G3BP2: variants seen among roughly 807,000 people sequenced by gnomAD.
G3BP2 encodes the protein G3BP stress granule assembly factor 2, also known as ras GTPase-activating protein-binding protein 2.
Under a neutral mutation model 56.7 loss-of-function variants are expected in G3BP2, and 11 were observed. That is an observed-to-expected ratio of 0.19 (90% confidence interval 0.12 to 0.32). G3BP2 has a LOEUF of 0.32. Among genes scored for constraint, G3BP2 ranks in the 10% least tolerant of loss-of-function variants. The pLI is 1.00. For missense variants in G3BP2, 340 were observed against 610.9 expected (o/e 0.56, Z 4.67); for synonymous variants, 165 against 191.6 (o/e 0.86, Z 1.15).
intron 8 of G3BP2, among the ~76,000 whole-genome samples, chr4:75,650,309 C>T (rs897110539): frequency 1.3e-5 from 2 of 150,516 alleles, no homozygotes; most frequent in African/African-American, 4.9e-5. Flanking sequence ...TGGCACATGC[C>T]TGTAATCCCA....
intron 6 of G3BP2, among the ~76,000 whole-genome samples, 198 bp from the exon 7 acceptor site, chr4:75,655,444 AT>A (rs1353313631): frequency 1.3e-5 from 2 of 152,194 alleles, no homozygotes; most frequent in Admixed American, 1.3e-4. Flanking sequence ...TAATCCCACC[AT>A]TTCAAAACTG....
chr4:75,681,006 C>A (rs1469047034), intron 3 of G3BP2, among the ~76,000 whole-genome samples: 2 of 150,514 alleles, frequency 1.3e-5, no homozygotes, highest in African/African-American at 4.9e-5. Flanking sequence ...AAAGAAAAAC[C>A]GTGGCCTAAG....
At chr4:75,691,322 T>G (rs531360432) in intron 3 of G3BP2, among the ~76,000 whole-genome samples, 137 of 152,210 alleles carry the variant, frequency 9.0e-4, no homozygotes, top group Admixed American at 2.6e-3. Flanking sequence ...TCAGGTGATC[T>G]GCCCACCTCA....
At chr4:75,694,853 C>T (rs1719037467) in intron 3 of G3BP2, 5 of 985,404 alleles carry the variant, frequency 5.1e-6, no homozygotes, top group Non-Finnish European at 6.0e-6. Flanking sequence ...CTAAAGACTG[C>T]GACATCACAT....
At chr4:75,698,252 G>A (rs1719203298) in intron 3 of G3BP2, among the ~76,000 whole-genome samples, 1 of 152,180 alleles carries the variant, frequency 6.6e-6, no homozygotes, top group Non-Finnish European at 1.5e-5. Flanking sequence ...GGCTATGTGA[G>A]GAAGGAAGCA....
upstream of G3BP2, chr4:75,673,451 C>G: frequency 8.1e-7 from 1 of 1,232,220 alleles, no homozygotes; most frequent in Non-Finnish European, 1.0e-6. Flanking sequence ...ATTGTTTTAC[C>G]CCTGCCGAAA....
chr4:75,694,854 G>A (rs1456846393), intron 3 of G3BP2: 2 of 985,274 alleles, frequency 2.0e-6, no homozygotes, highest in African/African-American at 1.7e-5. Flanking sequence ...TAAAGACTGC[G>A]ACATCACATC....
intron 6 of G3BP2, among the ~76,000 whole-genome samples, 188 bp downstream of exon 6, chr4:75,655,580 C>G (rs1732032903): frequency 1.3e-5 from 2 of 152,194 alleles, no homozygotes; most frequent in African/African-American, 4.8e-5. Context: ...TTGGTGCAAG[C>G]CATGTTCAAT....
Position 75,647,111 on chromosome 4 carries a change from A to G in G3BP2, c.975T>C (p.Ile325=), listed in dbSNP as rs1731291951. 6.3e-7 allele frequency: 1 copy of G among 1,599,536 alleles called. No individual in the cohort carries two copies. The highest frequency in any genetic ancestry group is 8.6e-7 in the Non-Finnish European group (1 of 1,167,632). Residue 325 remains isoleucine, a synonymous_variant, in exon 10 of 12, where the codon ATT becomes ATC. Coordinates refer to ENST00000359707, the MANE Select transcript of G3BP2 (RefSeq NM_203505.3). ...EQNDSDNRRI[I]RYPDSHQLFV... ...AAAGTTGATGACTATCTGGATAGCGAATTATTCTACGGTTGTCAGAGTCAT... is the reference window on the plus strand; with the variant it reads ...AAAGTTGATGACTATCTGGATAGCGGATTATTCTACGGTTGTCAGAGTCAT...
At position 75,655,231 on chromosome 4, in the gene G3BP2, C is replaced by A. The variant is rs754457045; in HGVS notation, c.561G>T (p.Glu187Asp). 1.2e-6 allele frequency: 2 copies of A among 1,609,606 alleles called. No individual in the cohort carries two copies. Among genetic ancestry groups the A allele is most frequent in the Non-Finnish European group, 1.7e-6 (2 of 1,176,626 alleles). ...EAHPVTNGIEEPLEESSHEPE... is the reference protein window; with the variant it reads ...EAHPVTNGIEDPLEESSHEPE... ...GTTCATGAGAGGATTCTTCCAAAGGCTCCTCTATGCCATTACTACAATAAA... is the reference window on the plus strand; with the variant it reads ...GTTCATGAGAGGATTCTTCCAAAGGATCCTCTATGCCATTACTACAATAAA... The change falls in exon 7 of 12, where the codon GAG becomes GAT. Residue 187 changes from glutamate to aspartate, a missense_variant. Around this residue, in one of 4 missense-constraint regions of G3BP2, gnomAD observed 224 missense variants for 332.5 expected, o/e 0.67. Transcript: ENST00000359707.
At chr4:75,701,206 A>G (rs1329521903) in intron 3 of G3BP2, among the ~76,000 whole-genome samples, 2 of 152,132 alleles carry the variant, frequency 1.3e-5, no homozygotes, top group Admixed American at 1.3e-4. Flanking sequence ...CCAATTTGCA[A>G]AAAGGAATCT....
chr4:75,647,176 C>G lies in G3BP2; in HGVS notation c.929-19G>C, dbSNP rs202217536. The G allele has an allele frequency of 1.4e-5, 22 of 1,528,996 alleles. No homozygotes were observed. The African/African-American group carries it at 2.8e-4, about 19-fold the overall frequency. 94.7% of individuals were successfully genotyped at this position (1,528,996 alleles called of 1,614,324 possible). A position where few individuals can be genotyped will look rare whatever the true frequency, so the allele number is the denominator to read the frequency against. On this transcript the variant is annotated intron_variant, in intron 9 of 11. Coordinates refer to ENST00000359707, the MANE Select transcript of G3BP2 (RefSeq NM_203505.3). ...CCTCTGCCTGAGAATAGAAATAGAGCAGATACTAAAGTTTACAATATCATA... is the reference window on the plus strand; with the variant it reads ...CCTCTGCCTGAGAATAGAAATAGAGGAGATACTAAAGTTTACAATATCATA...
intron 3 of G3BP2, among the ~76,000 whole-genome samples, chr4:75,687,067 T>C (rs1209364528): frequency 6.6e-6 from 1 of 152,096 alleles, no homozygotes; most frequent in East Asian, 1.9e-4. Context: ...CATCTCTAAA[T>C]ACATGCATAC....
rs377618193 is a variant in G3BP2 at position 75,648,699 on chromosome 4, G to A, written c.868C>T (p.Arg290Cys). ...TCTCTAGGTCGTTGTTCACGCACAC[G>A]AGGTGGCTGAGATTGAACTTCTGGT... Reference protein sequence around the residue: ...AKPEVQSQPPRVREQRPRERP... With the variant: ...AKPEVQSQPPCVREQRPRERP... The change falls in exon 9 of 12, where the codon CGT (arginine) becomes TGT (cysteine). Residue 290 changes from arginine to cysteine, a missense_variant. Arg to Cys is a radical substitution (Grantham distance 180). Coordinates refer to ENST00000359707, the MANE Select transcript of G3BP2 (RefSeq NM_203505.3). 1.9e-6 allele frequency: 3 copies of A among 1,608,746 alleles called. No homozygotes were observed. The highest frequency in any genetic ancestry group is 1.1e-5 in the South Asian group (1 of 90,688).
chr4:75,677,164 T>G (rs982857262), upstream of G3BP2, among the ~76,000 whole-genome samples: 1 of 152,162 alleles, frequency 6.6e-6, no homozygotes, highest in Non-Finnish European at 1.5e-5. Context: ...ACATTTGAAT[T>G]TATAAAGCTT....
At chr4:75,708,242 C>A (rs1018228713) in intron 3 of G3BP2, among the ~76,000 whole-genome samples, 1 of 152,168 alleles carries the variant, frequency 6.6e-6, no homozygotes, top group South Asian at 2.1e-4. Context: ...CTAGACTTGG[C>A]TCTTACAAAG....
intron 5 of G3BP2, among the ~76,000 whole-genome samples, chr4:75,656,157 ATTTTT>A (rs1000526021): frequency 6.8e-6 from 1 of 146,058 alleles, no homozygotes. Flanking sequence ...TGCCCAGCTA[ATTTTT>A]TTTTTTTAAG....
chr4:75,648,501 G>C, intron 9 of G3BP2, 138 bp downstream of exon 9: 2 of 467,282 alleles, frequency 4.3e-6, no homozygotes, highest in Non-Finnish European at 7.7e-6. Context: ...TATTTAGCAG[G>C]TTGCTCACAT....
intron 3 of G3BP2, among the ~76,000 whole-genome samples, chr4:75,698,817 A>G (rs1719222564): frequency 6.6e-6 from 1 of 152,024 alleles, no homozygotes; most frequent in Non-Finnish European, 1.5e-5. Context: ...TACCTCAGCC[A>G]CCCAAGGCGC....
Sources: gnomAD v4.1 joint callset for allele counts (sites outside exome capture counted in the v4.1 genomes callset) on GRCh38, gnomAD v4.1.1 for gene constraint, gnomAD v4.1.1 regional missense constraint, MANE v1.5 for transcripts, NCBI Gene and HGNC (gene_info 2026-07-23, HGNC 2026-07-21) for gene names.